SLC17A1: variants seen among roughly 807,000 people sequenced by gnomAD.
SLC17A1 encodes the protein solute carrier family 17 member 1.
In SLC17A1, 51 loss-of-function variants were observed where a neutral mutation model predicts 53.5. That is an observed-to-expected ratio of 0.95 (90% CI 0.76 to 1.20). SLC17A1 has a LOEUF of 1.20. Ranked by LOEUF, SLC17A1 falls within the 50% of genes most tolerant of loss-of-function variation. SLC17A1 has a pLI of 0.00. For missense variants in SLC17A1, 538 were observed against 568.2 expected, an observed-to-expected ratio of 0.95 and a Z score of 0.54; for synonymous variants, 179 against 198.8, an observed-to-expected ratio of 0.90 and a Z score of 0.84.
At chr6:25,757,310 G>T in the SLC17A1 span, among the ~76,000 whole-genome samples, 7 of 151,990 alleles carry the variant, frequency 4.6e-5, no homozygotes, top group African/African-American at 1.7e-4. Context: ...AGAGCACATG[G>T]AAAATGATTT....
rs75051429 is a variant in SLC17A1 at position 25,816,091 on chromosome 6, A to G, written c.617-2878T>C. Among the ~76,000 whole-genome samples, 688 of 152,258 alleles carry G rather than the reference A, an allele frequency of 4.5e-3. 2 individuals are homozygous for G. Among genetic ancestry groups the G allele is most frequent in the Non-Finnish European group, 7.2e-3 (490 of 68,030 alleles). On this transcript the variant is annotated intron_variant, in intron 6 of 12. Transcript: ENST00000244527. ...AGCAACTAACTTGATTTTCGGTTACAATATAATATTCAACTTCAGTAAATC... is the reference window on the plus strand; with the variant it reads ...AGCAACTAACTTGATTTTCGGTTACGATATAATATTCAACTTCAGTAAATC...
intron 10 of SLC17A1, among the ~76,000 whole-genome samples, chr6:25,803,629 A>G (rs1185778436): frequency 6.6e-6 from 1 of 152,180 alleles, no homozygotes; most frequent in Non-Finnish European, 1.5e-5. Context: ...AATCCTAGGT[A>G]AAATTTCAGA....
chr6:25,726,158 G>A, the SLC17A1 span: 5 of 1,558,386 alleles, frequency 3.2e-6, no homozygotes, highest in Non-Finnish European at 4.3e-6. Context: ...TTATGGTGGT[G>A]ACTCTCAGTC....
chr6:25,761,763 A>T, the SLC17A1 span, among the ~76,000 whole-genome samples: 1 of 152,200 alleles, frequency 6.6e-6, no homozygotes, highest in South Asian at 2.1e-4. Flanking sequence ...TTCAAAGACC[A>T]ACCAATTGGT....
the SLC17A1 span, among the ~76,000 whole-genome samples, chr6:25,769,528 G>C: frequency 6.6e-6 from 1 of 151,130 alleles, no homozygotes; most frequent in African/African-American, 2.4e-5. Flanking sequence ...ACTGCACTCC[G>C]GTCTGGGTGA....
chr6:25,757,346 C>CCCTTTACATTTTATT, the SLC17A1 span, among the ~76,000 whole-genome samples: 1 of 152,088 alleles, frequency 6.6e-6, no homozygotes, highest in Non-Finnish European at 1.5e-5. Flanking sequence ...TACTGCTTAT[C>CCCTTTACATTTTATT]CCTTTACATT....
the SLC17A1 span, among the ~76,000 whole-genome samples, chr6:25,763,537 T>A: frequency 3.9e-5 from 6 of 152,234 alleles, no homozygotes; most frequent in Non-Finnish European, 8.8e-5. Context: ...CCCAGGGCAC[T>A]GCTGGGGCTT....
the SLC17A1 span, among the ~76,000 whole-genome samples, chr6:25,746,891 T>C: frequency 6.6e-6 from 1 of 152,260 alleles, no homozygotes; most frequent in African/African-American, 2.4e-5. Context: ...TAATATGTAA[T>C]GCAACTTCTT....
At chr6:25,755,260 C>T in the SLC17A1 span, among the ~76,000 whole-genome samples, 62 of 152,208 alleles carry the variant, frequency 4.1e-4, no homozygotes, top group Middle Eastern at 3.4e-3. Context: ...GAAAACCAAA[C>T]GGTTCTGGTT....
intron 10 of SLC17A1, among the ~76,000 whole-genome samples, chr6:25,808,556 A>G (rs968468179): frequency 6.6e-6 from 1 of 151,984 alleles, no homozygotes; most frequent in South Asian, 2.1e-4. Context: ...CTTAACAACA[A>G]CAAAATATAA....
intron 12 of SLC17A1, among the ~76,000 whole-genome samples, chr6:25,784,848 C>T (rs139437166): frequency 4.3e-4 from 66 of 152,134 alleles, no homozygotes; most frequent in African/African-American, 1.3e-3. Context: ...TCTAAGATCA[C>T]GAACAAGACA....
intron 6 of SLC17A1, among the ~76,000 whole-genome samples, 169 bp from the exon 7 acceptor site, chr6:25,813,382 C>T (rs887722308): frequency 5.3e-5 from 8 of 152,160 alleles, no homozygotes; most frequent in East Asian, 1.9e-4. Flanking sequence ...CACAGGGACC[C>T]CTCCCTACTA....
the SLC17A1 span, among the ~76,000 whole-genome samples, chr6:25,734,871 G>T: frequency 4.6e-5 from 7 of 152,110 alleles, no homozygotes; most frequent in African/African-American, 7.2e-5. Flanking sequence ...TTTAAAAAGG[G>T]TATTAAAAAG....
At chr6:25,737,189 T>G in the SLC17A1 span, among the ~76,000 whole-genome samples, 4 of 152,234 alleles carry the variant, frequency 2.6e-5, no homozygotes, top group Non-Finnish European at 5.9e-5. Flanking sequence ...GATTTGCAAC[T>G]TCTCCAATTA....
At chr6:25,776,831 G>A in the SLC17A1 span, 2 of 1,613,850 alleles carry the variant, frequency 1.2e-6, no homozygotes, top group African/African-American at 1.3e-5. Flanking sequence ...TCCCATCCGT[G>A]ATCCTCGTGT....
the SLC17A1 span, chr6:25,777,025 C>A: frequency 6.6e-7 from 1 of 1,513,968 alleles, no homozygotes; most frequent in South Asian, 1.3e-5. Flanking sequence ...TAAATCTACT[C>A]TGATGTGAAA....
At chr6:25,741,616 T>A in the SLC17A1 span, among the ~76,000 whole-genome samples, 6 of 151,934 alleles carry the variant, frequency 3.9e-5, no homozygotes, top group African/African-American at 1.2e-4. Context: ...CTCAGGAGGC[T>A]GAGACAGGAG....
chr6:25,773,293 G>T, the SLC17A1 span: 1 of 1,613,710 alleles, frequency 6.2e-7, no homozygotes, highest in Non-Finnish European at 8.5e-7. Context: ...GGCTGTGCTT[G>T]TTGTCCTCTC....
chr6:25,726,795 A>G, the SLC17A1 span: 34 of 1,331,248 alleles, frequency 2.6e-5, no homozygotes, highest in Non-Finnish European at 3.5e-5. Flanking sequence ...ACTTGGCGAG[A>G]CTTGGAGCTG....
Sources: allele counts gnomAD v4.1 joint callset (sites outside exome capture counted in the v4.1 genomes callset), GRCh38; gene constraint gnomAD v4.1.1; transcripts MANE v1.5; gene names NCBI Gene and HGNC (gene_info 2026-07-23, HGNC 2026-07-21).